The following ZNF304 variants were observed in gnomAD, a reference collection of about 807,000 sequenced individuals.
ZNF304 encodes the protein KRAB-containing zinc finger protein.
ZNF304 carries 7 observed loss-of-function variants against 7.8 expected under a neutral mutation model. The observed-to-expected ratio is 0.90, with a 90% CI of 0.51 to 1.69. The LOEUF is 1.69. ZNF304 is among the 40% of genes most tolerant of loss of function. The pLI is 0.00. For missense variants in ZNF304, 669 were observed against 804.8 expected, an observed-to-expected ratio of 0.83 and a Z score of 2.04; for synonymous variants, 280 against 272.4, an observed-to-expected ratio of 1.03 and a Z score of -0.27.
chr19:57,357,202 A>G lies in ZNF304; in HGVS notation c.1333A>G (p.Arg445Gly). ...IKHRRVHTGA[R>G]SYVCSKCGKA... ...ACATCGGAGAGTCCACACAGGAGCA[A>G]GATCCTACGTGTGCAGCAAATGTGG... The change falls in exon 3 of 3, where the codon AGA becomes GGA. Residue 445 changes from arginine to glycine, a missense_variant. Transcript: ENST00000282286. 6.2e-7 allele frequency: 1 copy of G among 1,614,176 alleles called. No homozygotes were observed. Among genetic ancestry groups the G allele is most frequent in the Non-Finnish European group, 8.5e-7 (1 of 1,180,032 alleles).
chr19:57,352,039 G>T (rs546796370), intron 1 of ZNF304: 118 of 286,878 alleles, frequency 4.1e-4, no homozygotes, highest in African/African-American at 2.4e-3. Flanking sequence ...ACAGAGAAGG[G>T]AGGTCCTCTG....
intron 2 of ZNF304, among the ~76,000 whole-genome samples, chr19:57,355,051 T>C (rs1408687581): frequency 6.6e-6 from 1 of 152,212 alleles, no homozygotes; most frequent in African/African-American, 2.4e-5. Context: ...TGTCATGATC[T>C]TTGCACCTCT....
At position 57,351,570 on chromosome 19, in the gene ZNF304, CTT is replaced by C; in HGVS notation, c.-94_-93del. ...CGTTTTTACACCGGGTAGATTGAGA[CTT>C]GGAGTGCTACACTCAGCCCGAGGGC... On this transcript the variant is annotated 5_prime_UTR_variant, in exon 1 of 3. Transcript: ENST00000282286. The surrounding 1 kb of genome is among the most constrained non-coding windows in gnomAD (Gnocchi z 4.1). The C allele has an allele frequency of 6.8e-7, 1 of 1,474,396 alleles. No homozygotes were observed. Among genetic ancestry groups the C allele is most frequent in the Non-Finnish European group, 9.4e-7 (1 of 1,061,578 alleles). The allele number at this position is 1,474,396 out of a possible 1,614,324, so 91.3% of individuals were successfully genotyped here.
Position 57,353,714 on chromosome 19 carries a change from T to C in ZNF304, c.34-11T>C, listed in dbSNP as rs862703. 1,180,832 of 1,604,544 alleles carry C rather than the reference T, an allele frequency of 0.74. 438,697 individuals carry two copies. Among genetic ancestry groups the C allele is most frequent in the East Asian group, 0.95 (42,616 of 44,738 alleles). ...TGCTGACTGTGGACTCAGCTGTACT[T>C]ATCATGGCAGAGTTGTGTGACCTTC... On this transcript the variant is annotated splice_polypyrimidine_tract_variant and intron_variant, in intron 1 of 2. Transcript: ENST00000282286.
Position 57,353,665 on chromosome 19 carries a change from G to A in ZNF304, c.34-60G>A, listed in dbSNP as rs576362588. 19 of 1,555,256 alleles carry A rather than the reference G, an allele frequency of 1.2e-5. No homozygotes were observed. In the African/African-American group the frequency reaches 2.4e-4, roughly 20 times the overall value. ...GTGGGTGTGTGAGTGTGTAGACTGG[G>A]GAGGAGGGGGTTCTGGGGAGAGATG... is the stretch of plus-strand genomic sequence containing the variant. On this transcript the variant is annotated intron_variant, in intron 1 of 2. Coordinates refer to ENST00000282286, the MANE Select transcript of ZNF304 (RefSeq NM_020657.4).
At position 57,357,480 on chromosome 19, in the gene ZNF304, G is replaced by T. The variant is rs574218344; in HGVS notation, c.1611G>T (p.Gly537=). 1.1e-5 allele frequency: 18 copies of T among 1,613,092 alleles called. No individual in the cohort carries two copies. The South Asian group carries it at 1.9e-4, about 17-fold the overall frequency. Residue 537 remains glycine (G), a synonymous_variant, in exon 3 of 3, where the codon GGG becomes GGT. Coordinates refer to ENST00000282286, the MANE Select transcript of ZNF304 (RefSeq NM_020657.4). ...AGCCTTATGAGTGCAATGAATGTGG[G>T]AAATGCTTTAGCCACAACTCCAGCC... ...GAKPYECNEC[G]KCFSHNSSLI...
Position 57,351,689 on chromosome 19 carries a change from C to G in ZNF304, c.25C>G (p.Arg9Gly), listed in dbSNP as rs746135402. 3.0e-5 allele frequency: 48 copies of G among 1,612,474 alleles called. 1 individual carries two copies. In the South Asian group the frequency reaches 5.2e-4, roughly 17 times the overall value. The change falls in exon 1 of 3, where the codon CGG becomes GGG. Residue 9 changes from arginine to glycine, a missense_variant. By Grantham distance (125) the Arg-to-Gly change is moderately radical. Transcript: ENST00000282286. This position sits in a 1 kb window ranked among gnomAD's most constrained non-coding sequence, Gnocchi z 4.1. ...CATGGCAGCGGCGGTGCTGATGGAC[C>G]GGGTTCAGGTGAGTGGGGGCATCCC... The part of the protein sequence containing the change: MAAAVLMD[R>G]VQSCVTFEDV...
chr19:57,353,348 T>G (rs1466383423), intron 1 of ZNF304, among the ~76,000 whole-genome samples: 1 of 152,222 alleles, frequency 6.6e-6, no homozygotes, highest in African/African-American at 2.4e-5. Flanking sequence ...GAGTGTGAAC[T>G]GATGCCCTTA....
rs2088338254 is a variant in ZNF304 at position 57,356,312 on chromosome 19, A to T, written c.443A>T (p.Asp148Val). The change falls in exon 3 of 3, where the codon GAT becomes GTT. Residue 148 changes from aspartate to valine, a missense_variant. Physicochemically the swap from Asp to Val is radical, Grantham distance 152. Transcript: ENST00000282286. ...AATGGAGAGAATTGCTTCAGAGGGG[A>T]TGATGGAGGGGCCTCATTTGTGAAG... ...QHNGENCFRG[D>V]DGGASFVKSC... 6.2e-7 allele frequency: 1 copy of T among 1,614,178 alleles called. No individual in the cohort carries two copies. Among genetic ancestry groups the T allele is most frequent in the Non-Finnish European group, 8.5e-7 (1 of 1,180,032 alleles).
intron 2 of ZNF304, chr19:57,355,540 T>A: frequency 1.6e-6 from 1 of 608,956 alleles, no homozygotes; most frequent in South Asian, 2.0e-5. Context: ...TTTTTCCATT[T>A]GTCATTTCTC....
chr19:57,356,637 T>C lies in ZNF304; in HGVS notation c.768T>C (p.Cys256=), dbSNP rs113198455. The change falls in exon 3 of 3, where the codon TGT becomes TGC. Residue 256 remains cysteine (C), a synonymous_variant. Coordinates refer to ENST00000282286, the MANE Select transcript of ZNF304 (RefSeq NM_020657.4). The part of the protein sequence containing the change: ...AEVRPFRCLP[C]GNVFKEKSAL... ...TGAGACCCTTCAGATGCCTACCATG[T>C]GGAAATGTGTTCAAGGAGAAATCAG... 2.2e-5 allele frequency: 35 copies of C among 1,614,182 alleles called. No homozygotes were observed. Among genetic ancestry groups the C allele is most frequent in the African/African-American group, 1.6e-4 (12 of 75,046 alleles).
Position 57,357,417 on chromosome 19 carries a change from C to T in ZNF304, c.1548C>T (p.Ser516=), listed in dbSNP as rs151109530. The T allele has an allele frequency of 2.4e-4, 388 of 1,614,084 alleles. No individual in the cohort carries two copies. The highest frequency in any genetic ancestry group is 5.8e-5 in the Non-Finnish European group (69 of 1,180,018). ...GECGKFFSHS[S]NLIVHQRIHT... Reference sequence around the variant, plus strand: ...GTGGTAAATTCTTCAGCCATAGCTCCAACCTTATTGTACACCAGAGAATTC... The same window carrying T: ...GTGGTAAATTCTTCAGCCATAGCTCTAACCTTATTGTACACCAGAGAATTC... Residue 516 remains serine (S), a synonymous_variant, in exon 3 of 3, where the codon TCC becomes TCT. Transcript: ENST00000282286.
At position 57,358,673 on chromosome 19, in the gene ZNF304, A is replaced by G. The variant is rs532759214; in HGVS notation, c.*824A>G. 8 of 152,302 alleles carry G rather than the reference A, an allele frequency of 5.3e-5. No individual in the cohort carries two copies. Among genetic ancestry groups the G allele is most frequent in the African/African-American group, 1.9e-4 (8 of 41,560 alleles). The allele number at this position is 152,302 out of a possible 1,614,324, so 9.4% of individuals were successfully genotyped here. On this transcript the variant is annotated 3_prime_UTR_variant, in exon 3 of 3. Transcript: ENST00000282286. ...AGTCTAGTTTGACCTAATTTACACT[A>G]TTGCCCTAGGCTTGCTAGGAAAGAC...
At position 57,356,681 on chromosome 19, in the gene ZNF304, A is replaced by G; in HGVS notation, c.812A>G (p.Lys271Arg). ...AAATCAGCTCTTATTAATCACAGAA[A>G]AATCCACAGTGGAGAAATATCTCAT... Reference protein sequence around the residue: ...KEKSALINHRKIHSGEISHVC... With the variant: ...KEKSALINHRRIHSGEISHVC... The change falls in exon 3 of 3, where the codon AAA becomes AGA. Residue 271 changes from lysine (K) to arginine (R), a missense_variant. Physicochemically the swap from Lys to Arg is conservative, Grantham distance 26. Transcript: ENST00000282286. The G allele has an allele frequency of 1.2e-6, 2 of 1,614,236 alleles. No homozygotes were observed. Among genetic ancestry groups the G allele is most frequent in the Non-Finnish European group, 1.7e-6 (2 of 1,180,040 alleles).
Position 57,351,672 on chromosome 19 carries a change from C to T in ZNF304, c.8C>T (p.Ala3Val). Residue 3 changes from alanine (A) to valine (V), a missense_variant, in exon 1 of 3, where the codon GCG becomes GTG. Transcript: ENST00000282286. The surrounding 1 kb of genome is among the most constrained non-coding windows in gnomAD (Gnocchi z 4.1). MA[A>V]AVLMDRVQSC... ...ACTGTTCATCCGCTTCTCATGGCAG[C>T]GGCGGTGCTGATGGACCGGGTTCAG... is the stretch of plus-strand genomic sequence containing the variant. The T allele has an allele frequency of 6.2e-7, 1 of 1,613,046 alleles. No individual in the cohort carries two copies. Among genetic ancestry groups the T allele is most frequent in the African/African-American group, 1.3e-5 (1 of 75,012 alleles).
intron 1 of ZNF304, 48 bp from the exon 2 acceptor site, chr19:57,353,677 T>G: frequency 1.3e-6 from 2 of 1,560,302 alleles, no homozygotes; most frequent in Non-Finnish European, 8.7e-7. Context: ...AGGAGGGGGT[T>G]CTGGGGAGAG....
Position 57,351,779 on chromosome 19 carries a change from G to GCT in ZNF304, c.33+84_33+85dup, listed in dbSNP as rs2088277865. 6.8e-7 allele frequency: 1 copy of GCT among 1,480,186 alleles called. No individual in the cohort carries two copies. The highest frequency in any genetic ancestry group is 9.2e-7 in the Non-Finnish European group (1 of 1,088,962). The allele number at this position is 1,480,186 out of a possible 1,614,324, so 91.7% of individuals were successfully genotyped here. ...TCGCTCTCATCGCGCACTTCAGGGT[G>GCT]CTCACTCCGTCGCATTATGTGGAGG... On this transcript the variant is annotated intron_variant, in intron 1 of 2. Transcript: ENST00000282286. This position sits in a 1 kb window ranked among gnomAD's most constrained non-coding sequence, Gnocchi z 4.1.
chr19:57,355,192 G>A lies in ZNF304; in HGVS notation c.161-838G>A. 6 of 728,450 alleles carry A rather than the reference G, an allele frequency of 8.2e-6. No individual in the cohort carries two copies. In the East Asian group the frequency reaches 1.0e-4, roughly 12 times the overall value. 45.1% of individuals were successfully genotyped at this position (728,450 alleles called of 1,614,324 possible). On this transcript the variant is annotated intron_variant, in intron 2 of 2. Coordinates refer to ENST00000282286, the MANE Select transcript of ZNF304 (RefSeq NM_020657.4). ...TGTCCTGGTACATCCGCCTTGGAGA[G>A]TATTTTTTCTAAACATTCTATTTTC...
rs771519103 is a variant in ZNF304, at chr19:57,356,485, C to T, written c.616C>T (p.His206Tyr). Residue 206 changes from histidine (H) to tyrosine (Y), a missense_variant, in exon 3 of 3, where the codon CAC (histidine) becomes TAC (tyrosine). By Grantham distance (83) the His-to-Tyr change is moderately conservative. Transcript: ENST00000282286. ...GACTGAATGCATGGAGTCTTTCCCA[C>T]ACAGCTCCAGTCTCAGGCAACACCA... ...RRTECMESFPHSSSLRQHQGD... is the reference protein window; with the variant it reads ...RRTECMESFPYSSSLRQHQGD... 11 of 1,614,074 alleles carry T rather than the reference C, an allele frequency of 6.8e-6. No homozygotes were observed. The Admixed American group carries it at 1.7e-4, about 24-fold the overall frequency.
Sources: allele counts gnomAD v4.1 joint callset (sites outside exome capture counted in the v4.1 genomes callset), GRCh38; gene constraint gnomAD v4.1.1; non-coding constraint Gnocchi (gnomAD v3.1); transcripts MANE v1.5; gene names NCBI Gene and HGNC (gene_info 2026-07-23, HGNC 2026-07-21).